The following DLGAP1 variants were observed in gnomAD, a reference collection of about 807,000 sequenced individuals.
DLGAP1 encodes the protein DLG associated protein 1.
In DLGAP1, 11 loss-of-function variants were observed where a neutral mutation model predicts 90.8. The ratio of observed to expected loss-of-function variants is 0.12; its 90% CI spans 0.08 to 0.20. The LOEUF is 0.20. Ranked by LOEUF, DLGAP1 falls within the 10% of genes least tolerant of loss-of-function variation. DLGAP1 has a pLI of 1.00. For synonymous variants in DLGAP1, 558 were observed against 540.7 expected (o/e 1.03, Z -0.44); for missense variants, 1,050 against 1,333.8 (o/e 0.79, Z 3.31).
intron 7 of DLGAP1, among the ~76,000 whole-genome samples, chr18:3,674,181 T>A (rs913248545): frequency 1.3e-5 from 2 of 151,676 alleles, no homozygotes; most frequent in African/African-American, 4.8e-5. Context: ...CCAGGCATGG[T>A]GGCGCATGCC....
At chr18:4,177,263 T>A (rs1420412487) in intron 1 of DLGAP1, among the ~76,000 whole-genome samples, 1 of 150,400 alleles carries the variant, frequency 6.6e-6, no homozygotes, top group African/African-American at 2.4e-5. Context: ...GATGGAATTC[T>A]CATATTAAAT....
chr18:3,903,749 G>A (rs1444124471), intron 3 of DLGAP1, among the ~76,000 whole-genome samples: 5 of 152,210 alleles, frequency 3.3e-5, no homozygotes, highest in African/African-American at 1.2e-4. Flanking sequence ...GGAAGTGATA[G>A]TACCATGAAA....
chr18:3,666,523 G>A (rs1170307430), intron 7 of DLGAP1, among the ~76,000 whole-genome samples: 8 of 152,188 alleles, frequency 5.3e-5, no homozygotes, highest in Non-Finnish European at 8.8e-5. Flanking sequence ...ATCCGAGGAA[G>A]GATGCAGCTC....
intron 2 of DLGAP1, among the ~76,000 whole-genome samples, chr18:4,140,714 G>C (rs1166698793): frequency 6.6e-6 from 1 of 151,868 alleles, no homozygotes; most frequent in Non-Finnish European, 1.5e-5. Context: ...AGCATTTCTT[G>C]TAAGACAGGT....
At chr18:3,502,265 C>A in intron 12 of DLGAP1, 1 of 1,340,034 alleles carries the variant, frequency 7.5e-7, no homozygotes, top group Non-Finnish European at 9.6e-7. Flanking sequence ...GCCACATTCC[C>A]ATTTTCCAAT....
intron 9 of DLGAP1, among the ~76,000 whole-genome samples, chr18:3,556,582 TC>T (rs1226645206): frequency 6.6e-6 from 1 of 152,200 alleles, no homozygotes; most frequent in East Asian, 1.9e-4. Flanking sequence ...TTTTTGTGGC[TC>T]AATAGCTTAT....
At chr18:4,062,093 T>A (rs1263102479) in intron 2 of DLGAP1, among the ~76,000 whole-genome samples, 1 of 152,178 alleles carries the variant, frequency 6.6e-6, no homozygotes, top group Non-Finnish European at 1.5e-5. Context: ...ATATTGCTGA[T>A]CCTTTGTTTT....
At chr18:3,737,533 T>C (rs945604191) in intron 6 of DLGAP1, among the ~76,000 whole-genome samples, 1 of 150,934 alleles carries the variant, frequency 6.6e-6, no homozygotes, top group African/African-American at 2.4e-5. Flanking sequence ...CACATGATTA[T>C]CTCAATAGAT....
chr18:4,334,599 G>A (rs2081029523), intron 1 of DLGAP1, among the ~76,000 whole-genome samples: 1 of 151,796 alleles, frequency 6.6e-6, no homozygotes, highest in Non-Finnish European at 1.5e-5. Flanking sequence ...GCAACTACAT[G>A]TCATGCAAAT....
intron 1 of DLGAP1, among the ~76,000 whole-genome samples, chr18:4,203,953 T>A (rs1399462721): frequency 6.6e-6 from 1 of 152,232 alleles, no homozygotes; most frequent in African/African-American, 2.4e-5. Context: ...TTTTTCAAAA[T>A]GCTTTCCTGG....
intron 10 of DLGAP1, among the ~76,000 whole-genome samples, chr18:3,533,905 C>T (rs1228635898): frequency 6.6e-6 from 1 of 152,082 alleles, no homozygotes; most frequent in African/African-American, 2.4e-5. Context: ...AAGTTAGAGA[C>T]ATGAAAGCAC....
chr18:4,411,536 T>C (rs1373478209), intron 1 of DLGAP1, among the ~76,000 whole-genome samples: 4 of 152,224 alleles, frequency 2.6e-5, no homozygotes, highest in Non-Finnish European at 5.9e-5. Flanking sequence ...TATTTTCCAT[T>C]GCTGCATAAC....
intron 7 of DLGAP1, among the ~76,000 whole-genome samples, chr18:3,687,349 G>C (rs879729558): frequency 6.6e-6 from 1 of 152,132 alleles, no homozygotes; most frequent in Non-Finnish European, 1.5e-5. Context: ...ATATGATCTA[G>C]TTTTCTCTGA....
intron 3 of DLGAP1, among the ~76,000 whole-genome samples, chr18:3,902,649 A>G (rs2071809202): frequency 1.3e-5 from 2 of 152,318 alleles, no homozygotes; most frequent in African/African-American, 2.4e-5. Context: ...GTGCATTAGC[A>G]TGACCTACTC....
At chr18:4,326,030 A>C (rs116118162) in intron 1 of DLGAP1, among the ~76,000 whole-genome samples, 65 of 152,280 alleles carry the variant, frequency 4.3e-4, no homozygotes, top group African/African-American at 1.5e-3. Context: ...ATCAAACAAA[A>C]GAGTTTCTAC....
chr18:3,551,178 C>CATACATACAT (rs1252310481), intron 9 of DLGAP1, among the ~76,000 whole-genome samples: 4 of 7,796 alleles, frequency 5.1e-4, no homozygotes, highest in African/African-American at 6.3e-4. Flanking sequence ...TATATATATA[C>CATACATACAT]ACATACATAT....
chr18:4,096,747 G>A (rs1398171224), intron 2 of DLGAP1, among the ~76,000 whole-genome samples: 1 of 152,214 alleles, frequency 6.6e-6, no homozygotes, highest in Non-Finnish European at 1.5e-5. Context: ...ATCTGTGTCT[G>A]CTGGACTGAA....
chr18:3,927,603 G>A lies in DLGAP1; in HGVS notation c.-72-47463C>T, dbSNP rs117514448. Among the ~76,000 whole-genome samples the A allele has an allele frequency of 2.2e-3, 332 of 152,270 alleles. 5 individuals carry two copies. The East Asian group carries it at 0.045, about 21-fold the overall frequency. ...AGAAGTTTTGAATGTTAGGCCTTCA[G>A]CTATACATATAATTTAGAGTTTTGA... On this transcript the variant is annotated intron_variant, in intron 3 of 12. Coordinates refer to ENST00000315677, the MANE Select transcript of DLGAP1 (RefSeq NM_004746.4).
In DLGAP1 at chr18:3,968,965, T is replaced by G. The variant is rs925027959; in HGVS notation, c.-73+36151A>C. Reference sequence around the variant, plus strand: ...TGACACGGCATTCTTTCTCCAACTTTCTTTTAAAAGACATTTTGCAGGTGG... The same window carrying G: ...TGACACGGCATTCTTTCTCCAACTTGCTTTTAAAAGACATTTTGCAGGTGG... On this transcript the variant is annotated intron_variant, in intron 3 of 12. Transcript: ENST00000315677. 2.6e-5 allele frequency among the ~76,000 whole-genome samples: 4 copies of G among 152,300 alleles called. No homozygotes were observed. In the East Asian group the frequency reaches 7.7e-4, roughly 29 times the overall value.
Sources: gnomAD v4.1 joint callset for allele counts (sites outside exome capture counted in the v4.1 genomes callset) on GRCh38, gnomAD v4.1.1 for gene constraint, MANE v1.5 for transcripts, NCBI Gene and HGNC (gene_info 2026-07-23, HGNC 2026-07-21) for gene names.